The following HERC5 variants were observed in gnomAD, a reference collection of about 807,000 sequenced individuals.
HERC5 encodes the protein HECT and RLD domain containing E3 ubiquitin protein ligase 5.
A neutral mutation model predicts 119.6 loss-of-function variants in HERC5; 99 were observed. The observed-to-expected ratio is 0.83, with a 90% CI of 0.70 to 0.98. The LOEUF (loss-of-function observed/expected upper bound fraction) is 0.98, where lower values mean the gene tolerates loss of function less well. HERC5 is among the 50% of genes least tolerant of loss of function. The pLI, the probability that HERC5 is intolerant of heterozygous loss-of-function variation, is 0.00. For missense variants in HERC5, 1,267 were observed against 1,241.3 expected, an observed-to-expected ratio of 1.02 and a Z score of -0.31; for synonymous variants, 478 against 445.9, an observed-to-expected ratio of 1.07 and a Z score of -0.91.
chr4:88,486,182 A>G lies in HERC5; in HGVS notation c.1805A>G (p.Asn602Ser). The G allele has an allele frequency of 3.1e-6, 5 of 1,612,482 alleles. No homozygotes were observed. The highest frequency in any genetic ancestry group is 1.7e-5 in the Admixed American group (1 of 59,918). ...FQVDELLHRLNFFVEVCRRYL... is the reference protein window; with the variant it reads ...FQVDELLHRLSFFVEVCRRYL... ...GTAGACGAACTCTTGCACCGTCTCAATTTTTTTGTAGAAGTATGCAGAAGG... is the reference window on the plus strand; with the variant it reads ...GTAGACGAACTCTTGCACCGTCTCAGTTTTTTTGTAGAAGTATGCAGAAGG... The change falls in exon 14 of 23, where the codon AAT becomes AGT. Residue 602 changes from asparagine (N) to serine (S), a missense_variant. This residue lies in a region of HERC5 where 777 missense variants were observed against 758.0 expected (regional missense o/e 1.03). Coordinates refer to ENST00000264350, the MANE Select transcript of HERC5 (RefSeq NM_016323.4).
intron 19 of HERC5, 139 bp from the exon 20 acceptor site, chr4:88,500,776 C>T (rs1282714925): frequency 9.1e-6 from 6 of 656,864 alleles, no homozygotes; most frequent in South Asian, 2.2e-5. Context: ...TTTGTTTGTA[C>T]ATTCCTTGCT....
intron 13 of HERC5, among the ~76,000 whole-genome samples, chr4:88,483,822 G>A (rs756770241): frequency 1.5e-4 from 23 of 152,100 alleles, no homozygotes; most frequent in Non-Finnish European, 2.6e-4. Context: ...GAGCCATTGC[G>A]CCTGGCCTTC....
rs370053122 is a variant in HERC5 at position 88,460,077 on chromosome 4, T to G, written c.390-18T>G. The G allele has an allele frequency of 2.3e-6, 3 of 1,325,702 alleles. No individual in the cohort carries two copies. The South Asian group carries it at 3.6e-5, about 16-fold the overall frequency. The allele number at this position is 1,325,702 out of a possible 1,614,324, so 82.1% of individuals were successfully genotyped here. On this transcript the variant is annotated intron_variant, in intron 2 of 22. Transcript: ENST00000264350. ...TTTCATTATGGTGATTAACACAAAG[T>G]GTATTTTCCTTCATCAGGTTTGAAA...
intron 11 of HERC5, chr4:88,473,615 C>G (rs1443891936): frequency 6.6e-6 from 1 of 152,198 alleles, no homozygotes; most frequent in East Asian, 1.9e-4. Context: ...TTAGTGCTGC[C>G]TGTATCAACA....
Position 88,479,465 on chromosome 4 carries a change from T to C in HERC5, c.1695T>C (p.Gly565=). 1 of 1,611,854 alleles carries C rather than the reference T, an allele frequency of 6.2e-7. No individual in the cohort carries two copies. The highest frequency in any genetic ancestry group is 8.5e-7 in the Non-Finnish European group (1 of 1,179,326). The change falls in exon 13 of 23, where the codon GGT becomes GGC. Residue 565 remains glycine (G), a synonymous_variant. Coordinates refer to ENST00000264350, the MANE Select transcript of HERC5 (RefSeq NM_016323.4). ...GGGATGAAAGTGCTGAGGAGAATGG[T>C]AATGTTCAAGCTCTCCTAGAAATGT... The part of the protein sequence containing the change: ...DYWDESAEEN[G]NVQALLEMLK...
chr4:88,493,585 G>T (rs1741710775), intron 17 of HERC5, among the ~76,000 whole-genome samples: 1 of 151,898 alleles, frequency 6.6e-6, no homozygotes. Context: ...GATTTATTTG[G>T]TTTTTTATTT....
chr4:88,459,369 C>A lies in HERC5; in HGVS notation c.288C>A (p.Asn96Lys). 1 of 1,585,532 alleles carries A rather than the reference C, an allele frequency of 6.3e-7. No homozygotes were observed. Among genetic ancestry groups the A allele is most frequent in the South Asian group, 1.2e-5 (1 of 84,960 alleles). The change falls in exon 2 of 23, where the codon AAC (asparagine) becomes AAA (lysine). Residue 96 changes from asparagine (N) to lysine (K), a missense_variant. By Grantham distance (94) the Asn-to-Lys change is moderately conservative. Around this residue, in one of 3 missense-constraint regions of HERC5, gnomAD observed 777 missense variants for 758.0 expected, o/e 1.03. Coordinates refer to ENST00000264350, the MANE Select transcript of HERC5 (RefSeq NM_016323.4). ...TAGAATGCATTAAATTAGGAAAAAA[C>A]ATGAAGATACATTCCGTGGACCAAG... Reference protein sequence around the residue: ...RTPKCIKLGKNMKIHSVDQGA... With the variant: ...RTPKCIKLGKKMKIHSVDQGA...
rs1402582182 is a variant in HERC5, at chr4:88,475,988, A to G, written c.1540A>G (p.Lys514Glu). ...GGAGAGCCTTGTGGTTCCATTTGCA[A>G]AGGTTGTTTGTAAAATGAGTGACCA... Reference protein sequence around the residue: ...NWESLVVPFAKVVCKMSDQSS... With the variant: ...NWESLVVPFAEVVCKMSDQSS... Residue 514 changes from lysine (K) to glutamate (E), a missense_variant, in exon 12 of 23, where the codon AAG becomes GAG. Physicochemically the swap from Lys to Glu is moderately conservative, Grantham distance 56. Coordinates refer to ENST00000264350, the MANE Select transcript of HERC5 (RefSeq NM_016323.4). The G allele has an allele frequency of 6.2e-7, 1 of 1,613,780 alleles. No homozygotes were observed. Among genetic ancestry groups the G allele is most frequent in the Non-Finnish European group, 8.5e-7 (1 of 1,179,976 alleles).
chr4:88,489,991 G>A (rs900290141), intron 16 of HERC5, among the ~76,000 whole-genome samples: 12 of 151,976 alleles, frequency 7.9e-5, no homozygotes, highest in African/African-American at 2.4e-4. Context: ...CCTGGGTGAC[G>A]GAGCGAGACT....
chr4:88,463,580 A>G lies in HERC5; in HGVS notation c.737A>G (p.Glu246Gly), dbSNP rs1560598047. The change falls in exon 5 of 23, where the codon GAA (glutamate) becomes GGA (glycine). Residue 246 changes from glutamate (E) to glycine (G), a missense_variant. Transcript: ENST00000264350. ...LIEGLDNQKV[E>G]FVACGGSHSA... The stretch of plus-strand genomic sequence containing the variant: ...GAAGGACTAGACAATCAGAAAGTTG[A>G]ATTTGTCGCTTGTGGTGGCTCTCAC... 5.6e-6 allele frequency: 9 copies of G among 1,613,958 alleles called. No individual in the cohort carries two copies. Among genetic ancestry groups the G allele is most frequent in the Non-Finnish European group, 5.1e-6 (6 of 1,179,904 alleles).
At chr4:88,502,570 G>A (rs1370579259) in intron 20 of HERC5, among the ~76,000 whole-genome samples, 1 of 152,070 alleles carries the variant, frequency 6.6e-6, no homozygotes, top group African/African-American at 2.4e-5. Flanking sequence ...ATTTGGAGGC[G>A]AAAGGGGAAA....
At position 88,487,010 on chromosome 4, in the gene HERC5, A is replaced by G. The variant is rs1578059636; in HGVS notation, c.1852-59A>G. On this transcript the variant is annotated intron_variant, in intron 14 of 22. Transcript: ENST00000264350. ...CATCAGGGATGTAAGGCTATGAGGT[A>G]AAGTGTAAGGTTTCTCTGTCCTTTA... 3 of 1,176,094 alleles carry G rather than the reference A, an allele frequency of 2.6e-6. 1 individual carries two copies. The Admixed American group carries it at 6.0e-5, about 24-fold the overall frequency. The allele number at this position is 1,176,094 out of a possible 1,614,324, so 72.9% of individuals were successfully genotyped here.
chr4:88,486,192 AG>A lies in HERC5; in HGVS notation c.1816del (p.Glu606LysfsTer10). ...TCTTGCACCGTCTCAATTTTTTTGT[AG>A]AAGTATGCAGAAGGTACTTGTGGAA... The part of the protein sequence containing the change: ...ELLHRLNFFV[E>X]VCRRYLWKMT... On this transcript the variant is annotated frameshift_variant, in exon 14 of 23. Coordinates refer to ENST00000264350, the MANE Select transcript of HERC5 (RefSeq NM_016323.4). LOFTEE classifies it high-confidence loss of function. 1 of 1,610,806 alleles carries A rather than the reference AG, an allele frequency of 6.2e-7. No individual in the cohort carries two copies. The highest frequency in any genetic ancestry group is 1.1e-5 in the South Asian group (1 of 90,694).
Position 88,466,331 on chromosome 4 carries a change from C to T in HERC5, c.912-728C>T, listed in dbSNP as rs867964609. Among the ~76,000 whole-genome samples the T allele has an allele frequency of 3.9e-5, 6 of 152,310 alleles. No individual in the cohort carries two copies. The South Asian group carries it at 8.3e-4, about 21-fold the overall frequency. On this transcript the variant is annotated intron_variant, in intron 6 of 22. Transcript: ENST00000264350. ...TTCTGGGTTCAAAGTATCCTACTGC[C>T]TTGGCCTCCCAAAGTGCTGGGATTA...
chr4:88,487,955 A>T (rs1004720500), intron 15 of HERC5, among the ~76,000 whole-genome samples: 2 of 152,186 alleles, frequency 1.3e-5, no homozygotes, highest in African/African-American at 4.8e-5. Context: ...GACATATGTT[A>T]TATGTATGTA....
rs1290778151 is a variant in HERC5 at position 88,493,047 on chromosome 4, A to G, written c.2169A>G (p.Gly723=). 2 of 1,613,976 alleles carry G rather than the reference A, an allele frequency of 1.2e-6. No homozygotes were observed. The highest frequency in any genetic ancestry group is 2.2e-5 in the South Asian group (2 of 91,064). ...SFSGEIGYDL[G]GVKKEFFYCL... Reference sequence around the variant, plus strand: ...GTGGAGAAATTGGGTATGACCTCGGAGGAGTCAAGAAAGAGTTCTTCTACT... The same window carrying G: ...GTGGAGAAATTGGGTATGACCTCGGGGGAGTCAAGAAAGAGTTCTTCTACT... Residue 723 remains glycine (G), a synonymous_variant, in exon 17 of 23, where the codon GGA becomes GGG. Transcript: ENST00000264350.
At chr4:88,459,551 G>C (rs1436909688) in intron 2 of HERC5, 81 bp downstream of exon 2, 2 of 922,772 alleles carry the variant, frequency 2.2e-6, no homozygotes. Flanking sequence ...TCTGATTCTT[G>C]TCCCCTGCTT....
At position 88,459,349 on chromosome 4, in the gene HERC5, T is replaced by G; in HGVS notation, c.268T>G (p.Cys90Gly). Residue 90 changes from cysteine to glycine, a missense_variant and splice_region_variant, in exon 2 of 23, where the codon TGC becomes GGC. Coordinates refer to ENST00000264350, the MANE Select transcript of HERC5 (RefSeq NM_016323.4). ...TCCTGGTTGGATTTGCTCTGTAGAA[T>G]GCATTAAATTAGGAAAAAACATGAA... ...AGSGGARTPK[C>G]IKLGKNMKIH... The G allele has an allele frequency of 6.3e-7, 1 of 1,582,530 alleles. No individual in the cohort carries two copies. Among genetic ancestry groups the G allele is most frequent in the Non-Finnish European group, 8.6e-7 (1 of 1,169,234 alleles).
intron 12 of HERC5, among the ~76,000 whole-genome samples, chr4:88,476,751 A>C (rs919783264): frequency 1.3e-5 from 2 of 151,270 alleles, no homozygotes; most frequent in African/African-American, 4.9e-5. Flanking sequence ...CAAAACCCTG[A>C]CTCTACTAAA....
Sources: allele counts gnomAD v4.1 joint callset (sites outside exome capture counted in the v4.1 genomes callset), GRCh38; gene constraint gnomAD v4.1.1; regional missense constraint gnomAD v4.1.1; transcripts MANE v1.5; gene names NCBI Gene and HGNC (gene_info 2026-07-23, HGNC 2026-07-21).